The following COG5 variants were observed in gnomAD, a reference collection of about 807,000 sequenced individuals.
COG5 encodes conserved oligomeric Golgi complex subunit 5.
COG5 carries 86 observed loss-of-function variants against 110.4 expected under a neutral mutation model. That is an observed-to-expected ratio of 0.78 (90% CI 0.65 to 0.93). COG5 has a LOEUF of 0.93. COG5 is among the 40% of genes least tolerant of loss of function. COG5 has a pLI of 0.00. For synonymous variants in COG5, 360 were observed against 334.6 expected (o/e 1.08, Z -0.83); for missense variants, 1,077 against 987.0 (o/e 1.09, Z -1.22).
intron 14 of COG5, among the ~76,000 whole-genome samples, chr7:107,264,341 C>A (rs1239766522): frequency 6.6e-6 from 1 of 151,878 alleles, no homozygotes; most frequent in Non-Finnish European, 1.5e-5. Context: ...GCAATATATT[C>A]CAAGAGCCTC....
At chr7:107,537,741 AAAAAAAAGAAAG>A (rs1427506135) in intron 5 of COG5, among the ~76,000 whole-genome samples, 1 of 151,932 alleles carries the variant, frequency 6.6e-6, no homozygotes, top group African/African-American at 2.4e-5. Context: ...TATAATTTAA[AAAAAAAAGAAAG>A]AAAAAAAAAA....
chr7:107,411,550 G>A (rs1792298248), intron 7 of COG5, among the ~76,000 whole-genome samples: 2 of 151,954 alleles, frequency 1.3e-5, no homozygotes, highest in Admixed American at 1.3e-4. Context: ...TTTCTATCCT[G>A]GGTTTTGATT....
chr7:107,256,627 T>C, intron 16 of COG5, 105 bp downstream of exon 16: 2 of 735,138 alleles, frequency 2.7e-6, no homozygotes, highest in Non-Finnish European at 4.9e-6. Flanking sequence ...CTTTTGTATA[T>C]ATAGAGGATT....
chr7:107,202,800 G>A lies in COG5; in HGVS notation c.*716C>T, dbSNP rs1443297781. 1 of 151,960 alleles carries A rather than the reference G, an allele frequency of 6.6e-6. No individual in the cohort carries two copies. The highest frequency in any genetic ancestry group is 1.5e-5 in the Non-Finnish European group (1 of 68,006). 9.4% of individuals were successfully genotyped at this position (151,960 alleles called of 1,614,324 possible). Reference sequence around the variant, plus strand: ...TTTTCACGTGGCATTTTTGTTACACGGTTAAACAGCCCAAAGGTCTGCTTT... The same window carrying A: ...TTTTCACGTGGCATTTTTGTTACACAGTTAAACAGCCCAAAGGTCTGCTTT... On this transcript the variant is annotated 3_prime_UTR_variant, in exon 22 of 22. Coordinates refer to ENST00000297135, the MANE Select transcript of COG5 (RefSeq NM_006348.5).
chr7:107,392,246 G>T (rs1204926436), intron 7 of COG5, among the ~76,000 whole-genome samples: 1 of 152,128 alleles, frequency 6.6e-6, no homozygotes, highest in Non-Finnish European at 1.5e-5. Context: ...TACTAATGAT[G>T]AAAATTATGG....
At chr7:107,241,618 AT>A (rs1440770880) in intron 17 of COG5, among the ~76,000 whole-genome samples, 2 of 151,500 alleles carry the variant, frequency 1.3e-5, no homozygotes, top group African/African-American at 4.8e-5. Flanking sequence ...CGCCTGGCTA[AT>A]TTTTTTATAT....
intron 6 of COG5, among the ~76,000 whole-genome samples, chr7:107,429,005 G>A (rs1440115818): frequency 6.6e-6 from 1 of 152,186 alleles, no homozygotes; most frequent in African/African-American, 2.4e-5. Flanking sequence ...TAAATAAAAT[G>A]GAGGTCACCA....
chr7:107,484,494 G>A (rs1448235856), intron 6 of COG5, among the ~76,000 whole-genome samples: 1 of 152,154 alleles, frequency 6.6e-6, no homozygotes, highest in Non-Finnish European at 1.5e-5. Flanking sequence ...ATGCTCAGTA[G>A]AAGTACAAAC....
intron 11 of COG5, among the ~76,000 whole-genome samples, chr7:107,315,156 A>G (rs1164064589): frequency 5.0e-5 from 7 of 139,728 alleles, no homozygotes; most frequent in Non-Finnish European, 1.1e-4. Flanking sequence ...TACTATTCTA[A>G]TCTTTTTTTT....
intron 19 of COG5, among the ~76,000 whole-genome samples, chr7:107,212,068 G>T (rs1487745010): frequency 6.6e-6 from 1 of 152,096 alleles, no homozygotes; most frequent in Non-Finnish European, 1.5e-5. Context: ...ATGAATGAAG[G>T]CCTGTACAAA....
chr7:107,285,219 G>C (rs1314315769), intron 12 of COG5, among the ~76,000 whole-genome samples: 1 of 152,130 alleles, frequency 6.6e-6, no homozygotes, highest in Non-Finnish European at 1.5e-5. Flanking sequence ...AATAGATGAA[G>C]ATACCAAGAC....
At chr7:107,342,444 G>A (rs1584702350) in intron 10 of COG5, among the ~76,000 whole-genome samples, 1 of 151,378 alleles carries the variant, frequency 6.6e-6, no homozygotes, top group Middle Eastern at 3.4e-3. Context: ...TTGGGAGGCT[G>A]AGGCAGGCGG....
intron 7 of COG5, among the ~76,000 whole-genome samples, chr7:107,409,722 C>G (rs1048435669): frequency 6.6e-6 from 1 of 152,050 alleles, no homozygotes; most frequent in East Asian, 1.9e-4. Context: ...GTGGAATTAG[C>G]CTTAAATAGG....
chr7:107,447,432 T>C (rs1237701272), intron 6 of COG5, among the ~76,000 whole-genome samples: 1 of 152,206 alleles, frequency 6.6e-6, no homozygotes, highest in Non-Finnish European at 1.5e-5. Context: ...TCTTCAGAAA[T>C]GATGTAATTT....
intron 14 of COG5, among the ~76,000 whole-genome samples, chr7:107,277,330 A>AGTTTCT (rs1804776530): frequency 6.6e-6 from 1 of 152,156 alleles, no homozygotes; most frequent in African/African-American, 2.4e-5. Context: ...GTGGGTTCTT[A>AGTTTCT]GTTTCTGTTT....
chr7:107,245,572 A>G (rs148930089), intron 17 of COG5, among the ~76,000 whole-genome samples: 1 of 152,334 alleles, frequency 6.6e-6, no homozygotes, highest in East Asian at 1.9e-4. Flanking sequence ...CATCACCAAC[A>G]GCCAAACTGA....
chr7:107,370,377 C>G (rs1814029660), intron 8 of COG5, among the ~76,000 whole-genome samples: 1 of 152,146 alleles, frequency 6.6e-6, no homozygotes, highest in South Asian at 2.1e-4. Context: ...TCATGCCCAT[C>G]ATTCTTGAAT....
At chr7:107,302,202 A>G (rs1349682843) in intron 11 of COG5, among the ~76,000 whole-genome samples, 1 of 152,246 alleles carries the variant, frequency 6.6e-6, no homozygotes, top group Non-Finnish European at 1.5e-5. Flanking sequence ...TGCAACAACA[A>G]AAACATACTA....
intron 16 of COG5, among the ~76,000 whole-genome samples, chr7:107,254,203 T>C (rs1009201892): frequency 2.0e-5 from 3 of 152,180 alleles, no homozygotes; most frequent in African/African-American, 7.2e-5. Context: ...TATGTCTATA[T>C]CTATATTTTT....
Sources: allele counts gnomAD v4.1 joint callset (sites outside exome capture counted in the v4.1 genomes callset), GRCh38; gene constraint gnomAD v4.1.1; transcripts MANE v1.5; gene names NCBI Gene and HGNC (gene_info 2026-07-23, HGNC 2026-07-21).